Variants in DISP1 observed in about 807,000 individuals in gnomAD.
DISP1 encodes the protein protein dispatched homolog 1.
In DISP1, 30 loss-of-function variants were observed where a neutral mutation model predicts 37.3. The ratio of observed to expected loss-of-function variants is 0.80; its 90% CI spans 0.60 to 1.09. DISP1 has a LOEUF of 1.09. Among genes scored for constraint, DISP1 ranks in the 50% least tolerant of loss-of-function variants. The pLI is 0.00. For synonymous variants in DISP1, 634 were observed against 690.2 expected, an observed-to-expected ratio of 0.92 and a Z score of 1.28; for missense variants, 1,598 against 1,879.5, an observed-to-expected ratio of 0.85 and a Z score of 2.77.
At chr1:222,916,177 A>G (rs1672484373) in intron 1 of DISP1, among the ~76,000 whole-genome samples, 1 of 152,208 alleles carries the variant, frequency 6.6e-6, no homozygotes. Context: ...GATGACTGCT[A>G]CAGGTTTTAT....
intron 1 of DISP1, among the ~76,000 whole-genome samples, chr1:222,878,081 A>G (rs1200308349): frequency 3.9e-5 from 6 of 152,216 alleles, no homozygotes; most frequent in African/African-American, 1.4e-4. Flanking sequence ...GAAGCCACTG[A>G]CTATTATAGT....
At chr1:222,958,503 T>C (rs1675795030) in intron 3 of DISP1, among the ~76,000 whole-genome samples, 3 of 152,202 alleles carry the variant, frequency 2.0e-5, no homozygotes, top group African/African-American at 7.2e-5. Context: ...AGAATATACA[T>C]TTGTAAATTT....
chr1:222,819,255 G>A lies in DISP1; in HGVS notation c.-159+4177G>A, dbSNP rs140367616. Among the ~76,000 whole-genome samples, 1,097 of 152,240 alleles carry A rather than the reference G, an allele frequency of 7.2e-3. 6 individuals are homozygous for A. The highest frequency in any genetic ancestry group is 9.8e-3 in the Non-Finnish European group (664 of 68,018). On this transcript the variant is annotated intron_variant, in intron 1 of 8. Transcript: ENST00000675850. The stretch of plus-strand genomic sequence containing the variant: ...TGAGGCTTCCCCAGCTATGCTTCCT[G>A]TACAGCCTGTGGAATTGTGAGCCAA...
chr1:222,936,956 ATAT>A (rs1178488319), intron 2 of DISP1, among the ~76,000 whole-genome samples: 1 of 100,314 alleles, frequency 1.0e-5, no homozygotes. Context: ...ATTACATATT[ATAT>A]TATTTATAAA....
At chr1:222,924,054 A>C (rs916603056) in intron 1 of DISP1, among the ~76,000 whole-genome samples, 1 of 152,216 alleles carries the variant, frequency 6.6e-6, no homozygotes, top group Non-Finnish European at 1.5e-5. Flanking sequence ...TAGATTTTAG[A>C]GGTAGAATTT....
chr1:222,855,902 CAAA>C (rs35483623), intron 1 of DISP1, among the ~76,000 whole-genome samples: 1 of 138,264 alleles, frequency 7.2e-6, no homozygotes, highest in Non-Finnish European at 1.6e-5. Flanking sequence ...TCTCCAGTTT[CAAA>C]AAAAAAAAAA....
chr1:222,858,025 GAC>G (rs1668644427), intron 1 of DISP1, among the ~76,000 whole-genome samples: 3 of 152,122 alleles, frequency 2.0e-5, no homozygotes, highest in Admixed American at 6.5e-5. Context: ...CCAGACTTCA[GAC>G]TTCAAACTAT....
intron 3 of DISP1, among the ~76,000 whole-genome samples, chr1:222,962,255 TACAAACC>T (rs767897077): frequency 4.7e-4 from 71 of 152,226 alleles, no homozygotes; most frequent in Non-Finnish European, 6.2e-4. Context: ...GAAGGAGAAC[TACAAACC>T]ACTGCTCAAG....
intron 1 of DISP1, among the ~76,000 whole-genome samples, chr1:222,891,907 C>T (rs746178645): frequency 6.6e-6 from 1 of 151,368 alleles, no homozygotes; most frequent in African/African-American, 2.4e-5. Flanking sequence ...GAAGGTGATA[C>T]AGGGAAGCAC....
At chr1:222,853,018 T>C (rs560161334) in intron 1 of DISP1, among the ~76,000 whole-genome samples, 9 of 152,348 alleles carry the variant, frequency 5.9e-5, no homozygotes, top group African/African-American at 2.2e-4. Context: ...GAATGGGGTC[T>C]GAGGAGAGAG....
At position 223,004,453 on chromosome 1, in the gene DISP1, C is replaced by T. The variant is rs762116103; in HGVS notation, c.3056C>T (p.Thr1019Met). Residue 1019 changes from threonine (T) to methionine (M), a missense_variant, in exon 9 of 9, where the codon ACG (threonine) becomes ATG (methionine). By Grantham distance (81) the Thr-to-Met change is moderately conservative. Transcript: ENST00000675850. The surrounding 1 kb of genome is among the most constrained non-coding windows in gnomAD (Gnocchi z 4.9). ...TATGCCATCATTTCAATTGCTGGAA[C>T]GATATTTGTCACTGTTGGTTCTCTT... ...SLYAIISIAG[T>M]IFVTVGSLVL... 6.2e-6 allele frequency: 10 copies of T among 1,614,084 alleles called. No individual in the cohort carries two copies. The East Asian group carries it at 6.7e-5, about 11-fold the overall frequency.
chr1:222,977,322 C>T (rs943720321), intron 3 of DISP1, among the ~76,000 whole-genome samples: 6 of 150,214 alleles, frequency 4.0e-5, no homozygotes, highest in African/African-American at 1.5e-4. Flanking sequence ...GCATGAGCCA[C>T]CACGCCCGGT....
chr1:222,840,631 C>T (rs139215235), intron 1 of DISP1, among the ~76,000 whole-genome samples: 27,747 of 146,228 alleles, frequency 0.19, 2,723 homozygotes, highest in East Asian at 0.27. Flanking sequence ...GGTGCTATCT[C>T]GGCTCACCAC....
intron 4 of DISP1, among the ~76,000 whole-genome samples, chr1:222,989,120 G>A (rs748893204): frequency 2.0e-5 from 3 of 152,144 alleles, no homozygotes; most frequent in Non-Finnish European, 4.4e-5. Flanking sequence ...AAAATTGGCA[G>A]TCTATTATTA....
At chr1:222,817,751 G>A (rs970921653) in intron 1 of DISP1, among the ~76,000 whole-genome samples, 2 of 152,258 alleles carry the variant, frequency 1.3e-5, no homozygotes, top group Non-Finnish European at 2.9e-5. Context: ...GATGACTTGG[G>A]CCTCAGAGTG....
intron 3 of DISP1, among the ~76,000 whole-genome samples, chr1:222,975,291 C>T (rs1677231789): frequency 6.6e-6 from 1 of 152,154 alleles, no homozygotes; most frequent in African/African-American, 2.4e-5. Flanking sequence ...TCCCAAAGTA[C>T]TGACATTTGC....
intron 4 of DISP1, among the ~76,000 whole-genome samples, chr1:222,986,807 G>A (rs1446329845): frequency 2.4e-4 from 37 of 152,128 alleles, no homozygotes; most frequent in Admixed American, 2.2e-3. Context: ...TAGGGCCTCC[G>A]GGAAAAGGGT....
intron 1 of DISP1, among the ~76,000 whole-genome samples, chr1:222,886,709 G>A: frequency 6.6e-6 from 1 of 152,236 alleles, no homozygotes; most frequent in South Asian, 2.1e-4. Context: ...TTCCTTTGAA[G>A]AAGAGTGATT....
intron 1 of DISP1, among the ~76,000 whole-genome samples, chr1:222,870,036 G>A (rs1482162646): frequency 2.0e-5 from 3 of 151,788 alleles, no homozygotes; most frequent in African/African-American, 7.3e-5. Flanking sequence ...GAGAACATGC[G>A]GTGTTTGGTT....
Sources: gnomAD v4.1 joint callset for allele counts (sites outside exome capture counted in the v4.1 genomes callset) on GRCh38, gnomAD v4.1.1 for gene constraint, Gnocchi (gnomAD v3.1) non-coding constraint, MANE v1.5 for transcripts, NCBI Gene and HGNC (gene_info 2026-07-23, HGNC 2026-07-21) for gene names.